The following CEP128 variants were observed in gnomAD, a reference collection of about 807,000 sequenced individuals.
CEP128 encodes centrosomal protein 128kDa.
A neutral mutation model predicts 156.7 loss-of-function variants in CEP128; 132 were observed. The observed-to-expected ratio is 0.84, with a 90% CI of 0.73 to 0.97. The LOEUF (loss-of-function observed/expected upper bound fraction) is 0.97. CEP128 is among the 50% of genes least tolerant of loss of function. The pLI, the probability that CEP128 is intolerant of heterozygous loss-of-function variation, is 0.00. For missense variants in CEP128, 1,252 were observed against 1,281.9 expected, an observed-to-expected ratio of 0.98 and a Z score of 0.36; for synonymous variants, 469 against 448.9, an observed-to-expected ratio of 1.04 and a Z score of -0.57.
intron 19 of CEP128, among the ~76,000 whole-genome samples, chr14:80,704,789 TTC>T (rs1317985799): frequency 6.6e-6 from 1 of 151,350 alleles, no homozygotes; most frequent in Admixed American, 6.6e-5. Flanking sequence ...TATTGCCTTC[TTC>T]TTTCTTTCTA....
intron 13 of CEP128, among the ~76,000 whole-genome samples, chr14:80,794,770 T>A (rs762071225): frequency 1.3e-5 from 2 of 151,892 alleles, no homozygotes; most frequent in Non-Finnish European, 2.9e-5. Flanking sequence ...TACTAGATAG[T>A]CCTAGGTGCT....
At chr14:80,770,696 T>C (rs1900468567) in intron 16 of CEP128, among the ~76,000 whole-genome samples, 1 of 152,178 alleles carries the variant, frequency 6.6e-6, no homozygotes, top group South Asian at 2.1e-4. Flanking sequence ...AGTGTTTACT[T>C]AGAGTATCTG....
intron 19 of CEP128, 124 bp downstream of exon 19, chr14:80,742,951 A>G (rs1898907508): frequency 1.3e-6 from 1 of 787,772 alleles, no homozygotes; most frequent in Admixed American, 2.5e-5. Context: ...GACAAAGACA[A>G]GAAAAGGAGA....
chr14:80,933,706 C>G (rs2217176), intron 2 of CEP128, among the ~76,000 whole-genome samples: 106,340 of 151,992 alleles, frequency 0.7, 38,727 homozygotes, highest in African/African-American at 0.91. Flanking sequence ...AGGGACAAAT[C>G]CAACAAATAC....
intron 14 of CEP128, among the ~76,000 whole-genome samples, chr14:80,788,441 TC>T (rs1255555919): frequency 6.6e-6 from 1 of 151,872 alleles, no homozygotes; most frequent in Non-Finnish European, 1.5e-5. Context: ...GACTTCAGGC[TC>T]CCCACCTTAA....
At chr14:80,945,658 A>C (rs1475737411), upstream of CEP128, 1 of 152,200 alleles carries the variant, frequency 6.6e-6, no homozygotes, top group Non-Finnish European at 1.5e-5. Context: ...ATGGGCACTC[A>C]AGCTCCCAAT....
intron 2 of CEP128, among the ~76,000 whole-genome samples, chr14:80,938,177 A>T (rs1179403002): frequency 6.6e-6 from 1 of 151,678 alleles, no homozygotes; most frequent in African/African-American, 2.4e-5. Context: ...GATTACAGGC[A>T]TGAGTCAATG....
intron 19 of CEP128, among the ~76,000 whole-genome samples, chr14:80,613,007 A>ATTTTTTT (rs66946967): frequency 1.8e-4 from 21 of 114,696 alleles, no homozygotes; most frequent in African/African-American, 5.8e-4. Context: ...CACCCGGCGA[A>ATTTTTTT]TTTTTTTTTT....
intron 21 of CEP128, among the ~76,000 whole-genome samples, chr14:80,546,801 T>A (rs563213432): frequency 6.6e-6 from 1 of 152,260 alleles, no homozygotes; most frequent in East Asian, 1.9e-4. Context: ...AATTAAGAAG[T>A]GAGCCTAAAG....
At chr14:80,778,242 T>C (rs571633761) in intron 15 of CEP128, among the ~76,000 whole-genome samples, 196 bp from the exon 16 acceptor site, 2 of 152,296 alleles carry the variant, frequency 1.3e-5, no homozygotes, top group Admixed American at 1.3e-4. Context: ...TTACCAAGCA[T>C]TTACGAAGTG....
rs2139845580 is a variant in CEP128, at chr14:80,793,076, T to A, written c.1244A>T (p.Gln415Leu). Residue 415 changes from glutamine (Q) to leucine (L), a missense_variant, in exon 14 of 25, where the codon CAG (glutamine) becomes CTG (leucine). By Grantham distance (113) the Gln-to-Leu change is moderately radical. Transcript: ENST00000555265. ...LTRELENGEK[Q>L]QLQMLDRLKE... The stretch of plus-strand genomic sequence containing the variant: ...AAGTCGATCCAACATCTGCAGTTGC[T>A]GTTTTTCCCCATTCTCCAGTTCACG... 6.2e-7 allele frequency: 1 copy of A among 1,613,386 alleles called. No individual in the cohort carries two copies.
intron 8 of CEP128, among the ~76,000 whole-genome samples, chr14:80,895,148 T>C (rs1404973012): frequency 2.0e-5 from 3 of 152,122 alleles, no homozygotes; most frequent in Admixed American, 6.5e-5. Flanking sequence ...CCACCAAGGA[T>C]AGTGATTTAA....
At chr14:80,671,868 TGG>T (rs1239681063) in intron 19 of CEP128, among the ~76,000 whole-genome samples, 1 of 6,404 alleles carries the variant, frequency 1.6e-4, no homozygotes, top group Non-Finnish European at 2.9e-4. Context: ...TTTTTGTGTA[TGG>T]GGGGGTGGGG....
At chr14:80,590,447 A>G (rs536867039) in intron 19 of CEP128, among the ~76,000 whole-genome samples, 2 of 152,220 alleles carry the variant, frequency 1.3e-5, no homozygotes, top group South Asian at 4.1e-4. Context: ...AAAAAGTCAC[A>G]TTTTTTAAAA....
At chr14:80,795,295 T>C (rs1883398071) in intron 13 of CEP128, among the ~76,000 whole-genome samples, 1 of 152,212 alleles carries the variant, frequency 6.6e-6, no homozygotes, top group Non-Finnish European at 1.5e-5. Flanking sequence ...ACTCTGGATT[T>C]AATTACCAAT....
At chr14:80,601,351 G>A (rs1484630612) in intron 19 of CEP128, among the ~76,000 whole-genome samples, 2 of 152,250 alleles carry the variant, frequency 1.3e-5, no homozygotes, top group East Asian at 3.9e-4. Context: ...TAGAACAGGG[G>A]TGTCCAATCT....
chr14:80,922,750 T>C (rs1884941235), intron 2 of CEP128, among the ~76,000 whole-genome samples: 1 of 152,088 alleles, frequency 6.6e-6, no homozygotes, highest in Non-Finnish European at 1.5e-5. Context: ...AGATAAGAAA[T>C]TTACCCTCAT....
chr14:80,548,446 C>T lies in CEP128; in HGVS notation c.2880+10833G>A, dbSNP rs545357933. On this transcript the variant is annotated intron_variant, in intron 21 of 24. Coordinates refer to ENST00000555265, the MANE Select transcript of CEP128 (RefSeq NM_152446.5). ...CCCACTATATATTGTGAGTGTAATA[C>T]GAATATCTTATTTTATGGTTAAGTT... is the stretch of plus-strand genomic sequence containing the variant. Among the ~76,000 whole-genome samples the T allele has an allele frequency of 9.9e-5, 15 of 152,024 alleles. No individual in the cohort carries two copies. The East Asian group carries it at 1.2e-3, about 12-fold the overall frequency.
At chr14:80,842,873 C>T (rs544475058) in intron 9 of CEP128, among the ~76,000 whole-genome samples, 32 of 151,918 alleles carry the variant, frequency 2.1e-4, no homozygotes, top group Non-Finnish European at 4.0e-4. Flanking sequence ...GTCTTTTACA[C>T]GTTGAAGATC....
Sources: allele counts gnomAD v4.1 joint callset (sites outside exome capture counted in the v4.1 genomes callset), GRCh38; gene constraint gnomAD v4.1.1; transcripts MANE v1.5; gene names NCBI Gene and HGNC (gene_info 2026-07-23, HGNC 2026-07-21).